TNFSF13B: variants seen among roughly 807,000 people sequenced by gnomAD.
TNFSF13B encodes the protein TNF superfamily member 13b, also known as tumor necrosis factor ligand superfamily member 13B.
A neutral mutation model predicts 29.1 loss-of-function variants in TNFSF13B; 8 were observed. The observed-to-expected ratio is 0.27, with a 90% CI of 0.16 to 0.50. The LOEUF is 0.50. Ranked by LOEUF, TNFSF13B falls within the 20% of genes least tolerant of loss-of-function variation. The pLI, the probability that TNFSF13B is intolerant of heterozygous loss-of-function variation, is 0.98. For missense variants in TNFSF13B, 248 were observed against 334.9 expected (o/e 0.74, Z 2.03); for synonymous variants, 125 against 130.8 (o/e 0.96, Z 0.30).
intron 2 of TNFSF13B, among the ~76,000 whole-genome samples, chr13:108,283,901 C>CA (rs1881035776): frequency 6.6e-6 from 1 of 152,170 alleles, no homozygotes; most frequent in South Asian, 2.1e-4. Context: ...ATGGCATAAT[C>CA]ACCTCCCCAA....
chr13:108,292,752 A>T (rs984567734), intron 3 of TNFSF13B, among the ~76,000 whole-genome samples: 1 of 151,858 alleles, frequency 6.6e-6, no homozygotes, highest in African/African-American at 2.4e-5. Context: ...TACCTTGTCC[A>T]TGTGTTTTAA....
intron 3 of TNFSF13B, among the ~76,000 whole-genome samples, chr13:108,299,133 A>T (rs1355289631): frequency 6.8e-6 from 1 of 146,268 alleles, no homozygotes; most frequent in Non-Finnish European, 1.5e-5. Flanking sequence ...TTGTTGGATT[A>T]TTCCTCAGTA....
At chr13:108,277,309 A>G (rs1310918012) in intron 2 of TNFSF13B, among the ~76,000 whole-genome samples, 3 of 152,232 alleles carry the variant, frequency 2.0e-5, no homozygotes, top group Non-Finnish European at 2.9e-5. Context: ...AGAACAATAA[A>G]ATAGACAAGT....
chr13:108,299,552 C>T (rs961441928), intron 3 of TNFSF13B, among the ~76,000 whole-genome samples: 24 of 151,920 alleles, frequency 1.6e-4, no homozygotes, highest in Middle Eastern at 3.2e-3. Context: ...CTTCTATTAT[C>T]TCTTTTGTTG....
At chr13:108,273,062 GA>G (rs1880665122) in intron 2 of TNFSF13B, among the ~76,000 whole-genome samples, 1 of 151,754 alleles carries the variant, frequency 6.6e-6, no homozygotes, top group East Asian at 1.9e-4. Flanking sequence ...CTAACAAAGT[GA>G]AAAAAAATTT....
chr13:108,279,372 T>C (rs1390538869), intron 2 of TNFSF13B, among the ~76,000 whole-genome samples: 1 of 152,190 alleles, frequency 6.6e-6, no homozygotes, highest in East Asian at 1.9e-4. Context: ...AATATTTTGC[T>C]AGAAGTATTG....
rs1881690914 is a variant in TNFSF13B at position 108,303,644 on chromosome 13, A to G, written c.745+40A>G. 3 of 1,572,694 alleles carry G rather than the reference A, an allele frequency of 1.9e-6. No homozygotes were observed. In the Admixed American group the frequency reaches 5.7e-5, roughly 30 times the overall value. ...TCACACCCTGCTAATTGTGAAATGA[A>G]GAGACTTTGACGAAAAATCTGAGCT... On this transcript the variant is annotated intron_variant, in intron 5 of 5. Coordinates refer to ENST00000375887, the MANE Select transcript of TNFSF13B (RefSeq NM_006573.5).
chr13:108,275,883 A>G (rs1266461580), intron 2 of TNFSF13B, among the ~76,000 whole-genome samples: 2 of 152,260 alleles, frequency 1.3e-5, no homozygotes, highest in Non-Finnish European at 2.9e-5. Flanking sequence ...TCAGGATATC[A>G]CATTGTATTT....
intron 2 of TNFSF13B, among the ~76,000 whole-genome samples, 155 bp downstream of exon 2, chr13:108,270,579 A>G (rs1340010366): frequency 6.6e-6 from 1 of 152,186 alleles, no homozygotes; most frequent in Non-Finnish European, 1.5e-5. Flanking sequence ...GCAAAGCCCC[A>G]GCGCTGGCAA....
intron 3 of TNFSF13B, among the ~76,000 whole-genome samples, chr13:108,297,986 T>C (rs1460909701): frequency 6.8e-6 from 1 of 146,546 alleles, no homozygotes; most frequent in African/African-American, 2.6e-5. Flanking sequence ...TTTCCACTGC[T>C]TATCCCCTGG....
chr13:108,284,189 C>A (rs1429072933), intron 2 of TNFSF13B, among the ~76,000 whole-genome samples: 1 of 152,110 alleles, frequency 6.6e-6, no homozygotes, highest in Non-Finnish European at 1.5e-5. Flanking sequence ...ATTAGCCAGG[C>A]ATGGTGGCGG....
intron 2 of TNFSF13B, among the ~76,000 whole-genome samples, chr13:108,281,582 T>C (rs998763917): frequency 1.3e-5 from 2 of 152,172 alleles, no homozygotes; most frequent in African/African-American, 4.8e-5. Context: ...AGGAGCTCGC[T>C]TCACACACAG....
chr13:108,291,582 T>C (rs1457103710), intron 3 of TNFSF13B, among the ~76,000 whole-genome samples: 1 of 152,018 alleles, frequency 6.6e-6, no homozygotes, highest in Non-Finnish European at 1.5e-5. Context: ...ATCTTTTCAA[T>C]ATTAAAGTTG....
At chr13:108,274,278 T>TATACATATGAACAATACATATG (rs1353789504) in intron 2 of TNFSF13B, among the ~76,000 whole-genome samples, 11 of 151,706 alleles carry the variant, frequency 7.3e-5, no homozygotes, top group Middle Eastern at 6.8e-3. Context: ...TATTTGTTCA[T>TATACATATGAACAATACATATG]ATACATATGA....
intron 2 of TNFSF13B, among the ~76,000 whole-genome samples, chr13:108,283,589 T>A (rs1881025491): frequency 6.6e-6 from 1 of 152,220 alleles, no homozygotes; most frequent in African/African-American, 2.4e-5. Context: ...CATTACTTAT[T>A]AGGTAAACTT....
chr13:108,303,835 G>A (rs908079230), intron 5 of TNFSF13B, among the ~76,000 whole-genome samples: 6 of 152,054 alleles, frequency 3.9e-5, no homozygotes, highest in Non-Finnish European at 5.9e-5. Flanking sequence ...CATTTAGAAA[G>A]GGTAGTAATT....
intron 2 of TNFSF13B, among the ~76,000 whole-genome samples, chr13:108,275,622 T>C (rs1461121106): frequency 2.0e-5 from 3 of 152,132 alleles, no homozygotes; most frequent in African/African-American, 4.8e-5. Flanking sequence ...TTTTGGTCAA[T>C]CTACTTTAAG....
At chr13:108,278,023 A>G (rs1456633306) in intron 2 of TNFSF13B, among the ~76,000 whole-genome samples, 1 of 152,218 alleles carries the variant, frequency 6.6e-6, no homozygotes, top group Non-Finnish European at 1.5e-5. Flanking sequence ...CCTGCCTCTG[A>G]CATCATTATA....
chr13:108,302,410 T>G (rs1881651528), intron 3 of TNFSF13B, among the ~76,000 whole-genome samples: 1 of 152,198 alleles, frequency 6.6e-6, no homozygotes, highest in Non-Finnish European at 1.5e-5. Flanking sequence ...GGGCTCACCC[T>G]TTATTCAACA....
Sources: gnomAD v4.1 joint callset for allele counts (sites outside exome capture counted in the v4.1 genomes callset) on GRCh38, gnomAD v4.1.1 for gene constraint, MANE v1.5 for transcripts, NCBI Gene and HGNC (gene_info 2026-07-23, HGNC 2026-07-21) for gene names.